CDK6: variants seen among roughly 807,000 people sequenced by gnomAD.
CDK6 encodes the protein cyclin dependent kinase 6.
A neutral mutation model predicts 37.1 loss-of-function variants in CDK6; 6 were observed. That is an observed-to-expected ratio of 0.16 (90% CI 0.09 to 0.32). CDK6 has a LOEUF of 0.32. Among genes scored for constraint, CDK6 ranks in the 10% least tolerant of loss-of-function variants. The pLI is 1.00. For missense variants in CDK6, 224 were observed against 418.9 expected, an observed-to-expected ratio of 0.53 and a Z score of 4.06; for synonymous variants, 160 against 161.3, an observed-to-expected ratio of 0.99 and a Z score of 0.06.
At chr7:92,644,337 T>A (rs1796390756) in intron 5 of CDK6, among the ~76,000 whole-genome samples, 1 of 152,170 alleles carries the variant, frequency 6.6e-6, no homozygotes, top group South Asian at 2.1e-4. Flanking sequence ...AAGTGGCTAT[T>A]TACAGCTAAG....
At chr7:92,727,727 G>A (rs1223077233) in intron 3 of CDK6, among the ~76,000 whole-genome samples, 1 of 152,106 alleles carries the variant, frequency 6.6e-6, no homozygotes, top group Non-Finnish European at 1.5e-5. Context: ...TTCTGAACTG[G>A]CAGGGGTGAC....
At chr7:92,703,554 T>C (rs1305744172) in intron 4 of CDK6, among the ~76,000 whole-genome samples, 1 of 152,210 alleles carries the variant, frequency 6.6e-6, no homozygotes, top group African/African-American at 2.4e-5. Flanking sequence ...CTCAATTCTC[T>C]AGATAAACAT....
intron 3 of CDK6, among the ~76,000 whole-genome samples, chr7:92,762,306 T>C (rs984243938): frequency 2.0e-5 from 3 of 152,176 alleles, no homozygotes; most frequent in African/African-American, 7.2e-5. Flanking sequence ...ATTCTCTTCC[T>C]GTGATCACCA....
At chr7:92,640,820 G>A (rs1026084123) in intron 5 of CDK6, among the ~76,000 whole-genome samples, 14 of 152,072 alleles carry the variant, frequency 9.2e-5, no homozygotes, top group Admixed American at 5.9e-4. Context: ...TTCCACTTCC[G>A]GGAGTTAGTC....
intron 2 of CDK6, among the ~76,000 whole-genome samples, chr7:92,803,304 A>T (rs1800637279): frequency 6.6e-6 from 1 of 152,218 alleles, no homozygotes; most frequent in African/African-American, 2.4e-5. Flanking sequence ...ATAACTAAGG[A>T]CACTGTAGGA....
At chr7:92,639,758 C>T (rs1796259135) in intron 5 of CDK6, among the ~76,000 whole-genome samples, 1 of 152,172 alleles carries the variant, frequency 6.6e-6, no homozygotes, top group South Asian at 2.1e-4. Flanking sequence ...AGCCTGGCAC[C>T]ATTGGAAGCT....
At chr7:92,728,442 C>T (rs1050676440) in intron 3 of CDK6, among the ~76,000 whole-genome samples, 4 of 152,068 alleles carry the variant, frequency 2.6e-5, no homozygotes, top group Non-Finnish European at 5.9e-5. Context: ...AACATTTTGC[C>T]ACTAATAAAA....
chr7:92,827,729 C>T (rs945336417), intron 2 of CDK6, among the ~76,000 whole-genome samples: 3 of 152,188 alleles, frequency 2.0e-5, no homozygotes, highest in Non-Finnish European at 4.4e-5. Context: ...ACATCATACA[C>T]ACTAACTTCT....
intron 3 of CDK6, among the ~76,000 whole-genome samples, chr7:92,732,393 G>A (rs1487973222): frequency 2.6e-5 from 4 of 152,290 alleles, no homozygotes; most frequent in Middle Eastern, 3.4e-3. Context: ...CCCCAGCCTG[G>A]GCGACAGCTC....
chr7:92,706,447 T>C (rs1797968024), intron 4 of CDK6, among the ~76,000 whole-genome samples: 1 of 152,160 alleles, frequency 6.6e-6, no homozygotes, highest in Non-Finnish European at 1.5e-5. Flanking sequence ...AAATTTACTT[T>C]CATAATTAAT....
intron 3 of CDK6, among the ~76,000 whole-genome samples, chr7:92,770,319 C>CTTTTTT (rs746741500): frequency 2.2e-5 from 2 of 90,938 alleles, no homozygotes; most frequent in African/African-American, 8.2e-5. Context: ...TCTATGTATG[C>CTTTTTT]TTTTTTTTTT....
At chr7:92,699,072 T>G (rs2116656642) in intron 4 of CDK6, among the ~76,000 whole-genome samples, 1 of 152,304 alleles carries the variant, frequency 6.6e-6, no homozygotes, top group Admixed American at 6.5e-5. Context: ...AGCATATTAT[T>G]TTTGCATTTA....
intron 3 of CDK6, among the ~76,000 whole-genome samples, chr7:92,741,741 C>G (rs1029598025): frequency 1.3e-5 from 2 of 152,060 alleles, no homozygotes; most frequent in Non-Finnish European, 2.9e-5. Flanking sequence ...AATAAATCCT[C>G]TAAGGACCAT....
chr7:92,688,728 T>C (rs568060450), intron 4 of CDK6, among the ~76,000 whole-genome samples: 2 of 152,236 alleles, frequency 1.3e-5, no homozygotes, highest in East Asian at 1.9e-4. Context: ...TTAGAAGCTG[T>C]TGGATAGTAG....
chr7:92,663,580 A>G lies in CDK6; in HGVS notation c.647+7846T>C, dbSNP rs895485147. Among the ~76,000 whole-genome samples, 22 of 152,148 alleles carry G rather than the reference A, an allele frequency of 1.4e-4. No homozygotes were observed. In the East Asian group the frequency reaches 1.9e-3, roughly 13 times the overall value. On this transcript the variant is annotated intron_variant, in intron 5 of 7. Coordinates refer to ENST00000424848, the MANE Select transcript of CDK6 (RefSeq NM_001145306.2). ...GCTGGGCGTGGCGGCATGTGCCTGT[A>G]GTCCCAGCTACTCAGGAGGCTGAGG...
At chr7:92,674,103 G>A (rs1188365315) in intron 4 of CDK6, among the ~76,000 whole-genome samples, 1 of 83,738 alleles carries the variant, frequency 1.2e-5, no homozygotes, top group Non-Finnish European at 2.5e-5. Flanking sequence ...TTTTTTTTTT[G>A]AGTTCTTCAA....
Position 92,835,460 on chromosome 7 carries a change from C to T in CDK6, c.-368+1018G>A, listed in dbSNP as rs949035111. Among the ~76,000 whole-genome samples the T allele has an allele frequency of 3.9e-5, 6 of 152,106 alleles. No homozygotes were observed. In the East Asian group the frequency reaches 5.8e-4, roughly 15 times the overall value. On this transcript the variant is annotated intron_variant, in intron 1 of 7. Coordinates refer to ENST00000424848, the MANE Select transcript of CDK6 (RefSeq NM_001145306.2). The surrounding 1 kb of genome is among the most constrained non-coding windows in gnomAD (Gnocchi z 4.2). ...GAAACGGGAGCAGCAATGCCTTTTC[C>T]CCCCCTCTCCTCCACTTTTTTTTGT...
chr7:92,656,589 A>G (rs1796705235), intron 5 of CDK6, among the ~76,000 whole-genome samples: 1 of 152,210 alleles, frequency 6.6e-6, no homozygotes, highest in South Asian at 2.1e-4. Flanking sequence ...TAAACACAAT[A>G]AAACAAATGT....
intron 2 of CDK6, among the ~76,000 whole-genome samples, chr7:92,809,815 G>A (rs898438527): frequency 6.6e-6 from 1 of 152,324 alleles, no homozygotes; most frequent in South Asian, 2.1e-4. Context: ...GAAACTCTCA[G>A]TTTGAACCAA....
Sources: allele counts gnomAD v4.1 joint callset (sites outside exome capture counted in the v4.1 genomes callset), GRCh38; gene constraint gnomAD v4.1.1; non-coding constraint Gnocchi (gnomAD v3.1); transcripts MANE v1.5; gene names NCBI Gene and HGNC (gene_info 2026-07-23, HGNC 2026-07-21).